Variants in ZSWIM5 observed in about 807,000 individuals in gnomAD.
The protein encoded by ZSWIM5 is zinc finger SWIM domain-containing protein 5.
A neutral mutation model predicts 119.6 loss-of-function variants in ZSWIM5; 55 were observed. The ratio of observed to expected loss-of-function variants is 0.46; its 90% CI spans 0.37 to 0.58. ZSWIM5 has a LOEUF of 0.58. Ranked by LOEUF, ZSWIM5 falls within the 20% of genes least tolerant of loss-of-function variation. ZSWIM5 has a pLI of 0.00. For synonymous variants in ZSWIM5, 537 were observed against 606.9 expected (o/e 0.88, Z 1.69); for missense variants, 1,193 against 1,512.8 (o/e 0.79, Z 3.51).
intron 3 of ZSWIM5, among the ~76,000 whole-genome samples, chr1:45,059,054 G>A (rs189969355): frequency 9.2e-5 from 14 of 152,298 alleles, no homozygotes; most frequent in Admixed American, 2.6e-4. Context: ...TGGTAGGAAC[G>A]TAAAATGATG....
At chr1:45,062,132 C>A (rs926478610) in intron 2 of ZSWIM5, among the ~76,000 whole-genome samples, 5 of 152,132 alleles carry the variant, frequency 3.3e-5, no homozygotes, top group African/African-American at 1.2e-4. Flanking sequence ...CTGTGGTCAC[C>A]ATGTAGTGCA....
At chr1:45,081,870 C>T (rs1199728561) in intron 2 of ZSWIM5, among the ~76,000 whole-genome samples, 4 of 150,852 alleles carry the variant, frequency 2.7e-5, no homozygotes, top group East Asian at 3.9e-4. Context: ...ACAATGGCGG[C>T]TTTGTGGAAT....
At chr1:45,060,027 AGT>A in intron 3 of ZSWIM5, 70 bp downstream of exon 3, 1 of 1,553,848 alleles carries the variant, frequency 6.4e-7, no homozygotes, top group South Asian at 1.2e-5. Context: ...TGAAGCCTGA[AGT>A]GTGGTGTGCC....
At chr1:45,058,077 C>T (rs4403662) in intron 4 of ZSWIM5, among the ~76,000 whole-genome samples, 1 of 152,094 alleles carries the variant, frequency 6.6e-6, no homozygotes, top group Non-Finnish European at 1.5e-5. Flanking sequence ...CAGTGGACAT[C>T]TACTCATGTG....
At chr1:45,062,482 A>T (rs1645158530) in intron 2 of ZSWIM5, among the ~76,000 whole-genome samples, 1 of 152,034 alleles carries the variant, frequency 6.6e-6, no homozygotes, top group Admixed American at 6.6e-5. Flanking sequence ...TTTTCTTCAA[A>T]TGTCTTATTC....
chr1:45,133,707 T>C (rs1027683553), intron 1 of ZSWIM5, among the ~76,000 whole-genome samples: 9 of 151,892 alleles, frequency 5.9e-5, no homozygotes, highest in African/African-American at 1.7e-4. Context: ...CTGAATGGTA[T>C]TGCCTAGGTT....
intron 12 of ZSWIM5, among the ~76,000 whole-genome samples, chr1:45,020,360 T>C (rs937385161): frequency 5.3e-5 from 8 of 152,220 alleles, no homozygotes; most frequent in Non-Finnish European, 1.2e-4. Flanking sequence ...CTTATTATCA[T>C]ACCTTGCTTG....
chr1:45,160,791 G>A (rs1184690838), intron 1 of ZSWIM5, among the ~76,000 whole-genome samples: 1 of 150,282 alleles, frequency 6.7e-6, no homozygotes, highest in Non-Finnish European at 1.5e-5. Context: ...GGGTAGCTGG[G>A]ACTACAAGTG....
intron 11 of ZSWIM5, among the ~76,000 whole-genome samples, chr1:45,023,902 T>C (rs1412354503): frequency 6.6e-6 from 1 of 152,244 alleles, no homozygotes; most frequent in African/African-American, 2.4e-5. Flanking sequence ...ATTTTAGCCA[T>C]CCTAGTACTG....
chr1:45,176,391 G>A (rs566556503), intron 1 of ZSWIM5, among the ~76,000 whole-genome samples: 1 of 152,066 alleles, frequency 6.6e-6, no homozygotes, highest in South Asian at 2.1e-4. Flanking sequence ...AGTCTCCTGA[G>A]TAGCTGAGAC....
At chr1:45,143,483 C>T (rs553726285) in intron 1 of ZSWIM5, among the ~76,000 whole-genome samples, 1 of 152,240 alleles carries the variant, frequency 6.6e-6, no homozygotes, top group South Asian at 2.1e-4. Context: ...AACAACAAAA[C>T]TCTTAGCAAA....
intron 11 of ZSWIM5, among the ~76,000 whole-genome samples, chr1:45,024,496 TACA>T (rs1226233854): frequency 6.6e-6 from 1 of 151,810 alleles, no homozygotes; most frequent in Non-Finnish European, 1.5e-5. Flanking sequence ...CCGGCCTCTT[TACA>T]GTTTTTCATG....
At chr1:45,158,191 G>A (rs1432737188) in intron 1 of ZSWIM5, among the ~76,000 whole-genome samples, 1 of 152,060 alleles carries the variant, frequency 6.6e-6, no homozygotes, top group African/African-American at 2.4e-5. Context: ...TTTTGAGACA[G>A]TCTTGCTCTG....
Position 45,088,172 on chromosome 1 carries a change from C to T in ZSWIM5, c.661G>A (p.Val221Ile), listed in dbSNP as rs747281622. The T allele has an allele frequency of 6.2e-7, 1 of 1,614,132 alleles. No homozygotes were observed. The highest frequency in any genetic ancestry group is 8.5e-7 in the Non-Finnish European group (1 of 1,179,990). ...TTGCATCGATCAAAACTGATTGCAA[C>T]TTTATAAGTCACTGCTGGTTCAGAG... ...TASEPAVTYK[V>I]AISFDRCKIT... Residue 221 changes from valine to isoleucine, a missense_variant, in exon 2 of 14, where the codon GTT becomes ATT. Val to Ile is a conservative substitution (Grantham distance 29). Coordinates refer to ENST00000359600, the MANE Select transcript of ZSWIM5 (RefSeq NM_020883.2). This position sits in a 1 kb window ranked among gnomAD's most constrained non-coding sequence, Gnocchi z 4.2.
Position 45,205,970 on chromosome 1 carries a change from G to T in ZSWIM5, c.381C>A (p.Gly127=), listed in dbSNP as rs1646187254. ...CGGCCGGCGAAGCCCCCGCGGCGCC[G>T]CCAGCAGCGCCGGCGCCGGGGCCGC... is the stretch of plus-strand genomic sequence containing the variant. ...YRGGPGAGAA[G]GAAGASPAEE... The change falls in exon 1 of 14, where the codon GGC becomes GGA. Residue 127 remains glycine, a synonymous_variant. Coordinates refer to ENST00000359600, the MANE Select transcript of ZSWIM5 (RefSeq NM_020883.2). 2 of 1,380,248 alleles carry T rather than the reference G, an allele frequency of 1.4e-6. No individual in the cohort carries two copies. Among genetic ancestry groups the T allele is most frequent in the South Asian group, 1.8e-5 (1 of 54,838 alleles). 85.5% of individuals were successfully genotyped at this position (1,380,248 alleles called of 1,614,324 possible). A position where few individuals can be genotyped will look rare whatever the true frequency, so the allele number is the denominator to read the frequency against.
chr1:45,127,574 G>A (rs564853233), intron 1 of ZSWIM5, among the ~76,000 whole-genome samples: 1 of 151,304 alleles, frequency 6.6e-6, no homozygotes, highest in South Asian at 2.1e-4. Flanking sequence ...GGGCCTACAG[G>A]TGCACACCAC....
intron 1 of ZSWIM5, among the ~76,000 whole-genome samples, chr1:45,194,959 A>G (rs1159554441): frequency 6.6e-6 from 1 of 152,156 alleles, no homozygotes; most frequent in Non-Finnish European, 1.5e-5. Flanking sequence ...TAATTCTAAA[A>G]TTTCTTATAA....
chr1:45,099,060 G>A (rs1200013341), intron 1 of ZSWIM5, among the ~76,000 whole-genome samples: 1 of 152,144 alleles, frequency 6.6e-6, no homozygotes, highest in Non-Finnish European at 1.5e-5. Flanking sequence ...GAGCAGAACT[G>A]AAGGAGACAG....
chr1:45,078,121 G>T (rs1327350694), intron 2 of ZSWIM5, among the ~76,000 whole-genome samples: 1 of 152,230 alleles, frequency 6.6e-6, no homozygotes, highest in East Asian at 1.9e-4. Context: ...ATTGATTGGG[G>T]AAGTGATAAG....
Sources: gnomAD v4.1 joint callset for allele counts (sites outside exome capture counted in the v4.1 genomes callset) on GRCh38, gnomAD v4.1.1 for gene constraint, Gnocchi (gnomAD v3.1) non-coding constraint, MANE v1.5 for transcripts, NCBI Gene and HGNC (gene_info 2026-07-23, HGNC 2026-07-21) for gene names.